The following PGAP1 variants were observed in gnomAD, a reference collection of about 807,000 sequenced individuals.
PGAP1 encodes post-GPI attachment to proteins inositol deacylase 1.
Under a neutral mutation model 127.0 loss-of-function variants are expected in PGAP1, and 76 were observed. That is an observed-to-expected ratio of 0.60 (90% confidence interval 0.50 to 0.72). PGAP1 has a LOEUF of 0.72. PGAP1 is among the 30% of genes least tolerant of loss of function. The pLI is 0.00. For synonymous variants in PGAP1, 362 were observed against 366.5 expected, an observed-to-expected ratio of 0.99 and a Z score of 0.14; for missense variants, 982 against 1,071.3, an observed-to-expected ratio of 0.92 and a Z score of 1.16.
At chr2:196,921,061 C>T (rs1703176519) in intron 1 of PGAP1, among the ~76,000 whole-genome samples, 1 of 151,836 alleles carries the variant, frequency 6.6e-6, no homozygotes, top group South Asian at 2.1e-4. Context: ...ACGGTAATGT[C>T]TATTTAGGTA....
At chr2:196,882,264 G>T (rs748712519) in intron 12 of PGAP1, among the ~76,000 whole-genome samples, 1 of 152,186 alleles carries the variant, frequency 6.6e-6, no homozygotes, top group Non-Finnish European at 1.5e-5. Flanking sequence ...CTGCAGCATA[G>T]TTTGAAGTCA....
At chr2:196,905,651 G>A (rs371826426) in intron 4 of PGAP1, among the ~76,000 whole-genome samples, 9 of 152,000 alleles carry the variant, frequency 5.9e-5, no homozygotes, top group Non-Finnish European at 4.4e-5. Context: ...CGTGAGCGAC[G>A]CAGAAGACGG....
chr2:196,894,524 C>A (rs528203514), intron 7 of PGAP1, among the ~76,000 whole-genome samples: 2 of 152,198 alleles, frequency 1.3e-5, no homozygotes, highest in Admixed American at 6.5e-5. Flanking sequence ...AACTTTAGGC[C>A]GGGCGCAGTG....
At chr2:196,901,206 C>T (rs964768185) in intron 5 of PGAP1, among the ~76,000 whole-genome samples, 1 of 152,178 alleles carries the variant, frequency 6.6e-6, no homozygotes. Flanking sequence ...ATATTCAACA[C>T]CAAATAGCAA....
intron 12 of PGAP1, among the ~76,000 whole-genome samples, chr2:196,885,017 A>G (rs959249516): frequency 6.6e-6 from 1 of 152,160 alleles, no homozygotes; most frequent in Non-Finnish European, 1.5e-5. Flanking sequence ...ACCATGTATC[A>G]TATCTGTTTG....
At chr2:196,842,944 C>G (rs781497304) in intron 25 of PGAP1, 119 bp from the exon 26 acceptor site, 10 of 411,086 alleles carry the variant, frequency 2.4e-5, no homozygotes, top group Non-Finnish European at 4.4e-5. Context: ...TATAAGAGAG[C>G]TCTAAATAGT....
At position 196,896,996 on chromosome 2, in the gene PGAP1, T is replaced by C. The variant is rs1702303025; in HGVS notation, c.927+135A>G. The C allele has an allele frequency of 1.0e-5, 5 of 486,582 alleles. No individual in the cohort carries two copies. The East Asian group carries it at 1.8e-4, about 18-fold the overall frequency. The allele number at this position is 486,582 out of a possible 1,614,324, so 30.1% of individuals were successfully genotyped here. On this transcript the variant is annotated intron_variant, in intron 7 of 26. Coordinates refer to ENST00000354764, the MANE Select transcript of PGAP1 (RefSeq NM_024989.4). ...AAAAAAGATATTTCCATTTTGGAAC[T>C]AATTAAAATTGATATAAGGTATATG...
chr2:196,917,905 T>G (rs910913719), intron 2 of PGAP1, among the ~76,000 whole-genome samples: 2 of 152,134 alleles, frequency 1.3e-5, no homozygotes, highest in Non-Finnish European at 2.9e-5. Flanking sequence ...TCTGAGGAAC[T>G]CCCAAACAGT....
At chr2:196,877,626 TCTTA>T (rs925093112) in intron 13 of PGAP1, 2 of 152,106 alleles carry the variant, frequency 1.3e-5, no homozygotes, top group African/African-American at 2.4e-5. Context: ...CTGAATTACC[TCTTA>T]CTTGAGCTAA....
At chr2:196,912,225 C>T (rs1187906939) in intron 4 of PGAP1, among the ~76,000 whole-genome samples, 1 of 152,152 alleles carries the variant, frequency 6.6e-6, no homozygotes, top group Admixed American at 6.5e-5. Flanking sequence ...TACTTAAAAA[C>T]TAGACATTGC....
chr2:196,897,253 T>C (rs961674156), intron 6 of PGAP1, 56 bp from the exon 7 acceptor site: 5 of 1,072,778 alleles, frequency 4.7e-6, no homozygotes, highest in Admixed American at 2.4e-5. Flanking sequence ...ATACTTTTGA[T>C]CAAAATATGC....
intron 20 of PGAP1, among the ~76,000 whole-genome samples, chr2:196,857,934 T>C (rs72920811): frequency 0.11 from 16,410 of 152,172 alleles, 936 homozygotes; most frequent in Middle Eastern, 0.13. Flanking sequence ...TGAATATGCA[T>C]AAGTTTACTG....
At chr2:196,867,531 G>A (rs1257284296) in intron 19 of PGAP1, among the ~76,000 whole-genome samples, 2 of 152,118 alleles carry the variant, frequency 1.3e-5, no homozygotes, top group Admixed American at 6.5e-5. Context: ...TGTAGATGAC[G>A]GGTTGATGGG....
Position 196,855,694 on chromosome 2 carries a change from T to C in PGAP1, c.1862-7657A>G, listed in dbSNP as rs115898048. ...ACTTTTCTGAACAAAGATGGAATCA[T>C]ATGCTTTTTCTCTCTACTTGGCTCC... On this transcript the variant is annotated intron_variant, in intron 20 of 26. Coordinates refer to ENST00000354764, the MANE Select transcript of PGAP1 (RefSeq NM_024989.4). 6.5e-3 allele frequency among the ~76,000 whole-genome samples: 991 copies of C among 152,300 alleles called. 6 individuals are homozygous for C. The highest frequency in any genetic ancestry group is 0.023 in the African/African-American group (937 of 41,568).
chr2:196,851,154 GT>G lies in PGAP1; in HGVS notation c.1862-3118del, dbSNP rs71410629. ...ATCAAAATGGAGTCACTGTTTTTTT[GT>G]TTTTTTTAAAAAAAACAAAAAAATA... On this transcript the variant is annotated intron_variant, in intron 20 of 26. Transcript: ENST00000354764. Among the ~76,000 whole-genome samples the G allele has an allele frequency of 4.0e-5, 6 of 148,838 alleles. No homozygotes were observed. In the South Asian group the frequency reaches 8.6e-4, roughly 21 times the overall value.
chr2:196,844,494 T>A (rs776803938), intron 24 of PGAP1, 30 bp downstream of exon 24: 100 of 1,521,398 alleles, frequency 6.6e-5, no homozygotes, highest in Middle Eastern at 2.0e-4. Context: ...TCATTTTAAA[T>A]TTATGTAGAG....
intron 20 of PGAP1, among the ~76,000 whole-genome samples, chr2:196,851,819 A>C (rs1254298772): frequency 1.3e-5 from 2 of 152,216 alleles, no homozygotes; most frequent in African/African-American, 4.8e-5. Flanking sequence ...CTGGGATGAC[A>C]GAAGACCTTT....
chr2:196,916,171 C>G (rs1703000500), intron 3 of PGAP1, among the ~76,000 whole-genome samples: 1 of 152,140 alleles, frequency 6.6e-6, no homozygotes, highest in South Asian at 2.1e-4. Context: ...ATGCATTTTA[C>G]TCCTAATTTA....
In PGAP1 at chr2:196,839,953, A is replaced by G. The variant is rs542185516; in HGVS notation, c.*1281T>C. 6.6e-6 allele frequency: 1 copy of G among 152,252 alleles called. No homozygotes were observed. Among genetic ancestry groups the G allele is most frequent in the Non-Finnish European group, 1.5e-5 (1 of 68,048 alleles). 9.4% of individuals were successfully genotyped at this position (152,252 alleles called of 1,614,324 possible). ...TTGGGCATTTACAGTCTACACATCT[A>G]GAAGAACTCTATAAGCCGGGTATGT... On this transcript the variant is annotated 3_prime_UTR_variant, in exon 27 of 27. Transcript: ENST00000354764.
Sources: gnomAD v4.1 joint callset for allele counts (sites outside exome capture counted in the v4.1 genomes callset) on GRCh38, gnomAD v4.1.1 for gene constraint, MANE v1.5 for transcripts, NCBI Gene and HGNC (gene_info 2026-07-23, HGNC 2026-07-21) for gene names.